EYA1: variants seen among roughly 807,000 people sequenced by gnomAD.
The protein encoded by EYA1 is protein phosphatase EYA1.
EYA1 carries 16 observed loss-of-function variants against 82.0 expected under a neutral mutation model. The observed-to-expected ratio is 0.20, with a 90% CI of 0.13 to 0.30. The LOEUF (loss-of-function observed/expected upper bound fraction) is 0.30, where lower values mean the gene tolerates loss of function less well. Among genes scored for constraint, EYA1 ranks in the 10% least tolerant of loss-of-function variants. EYA1 has a pLI of 1.00. For missense variants in EYA1, 633 were observed against 730.7 expected, an observed-to-expected ratio of 0.87 and a Z score of 1.54; for synonymous variants, 261 against 264.4, an observed-to-expected ratio of 0.99 and a Z score of 0.12.
chr8:71,408,303 A>C (rs545776255), intron 2 of EYA1, among the ~76,000 whole-genome samples: 16 of 152,160 alleles, frequency 1.1e-4, no homozygotes, highest in African/African-American at 3.4e-4. Context: ...ACTAGGAAGA[A>C]ACTGCATCAA....
chr8:71,331,643 C>A (rs908280691), intron 4 of EYA1, among the ~76,000 whole-genome samples: 1 of 151,964 alleles, frequency 6.6e-6, no homozygotes, highest in Non-Finnish European at 1.5e-5. Context: ...CATACAGATG[C>A]CTTTTTAAGA....
chr8:71,518,781 T>C (rs1188006542), intron 2 of EYA1, among the ~76,000 whole-genome samples: 1 of 152,164 alleles, frequency 6.6e-6, no homozygotes, highest in Non-Finnish European at 1.5e-5. Flanking sequence ...GAATGAACAA[T>C]GGCAAGAAAC....
At chr8:71,439,925 C>T (rs1257379504) in intron 2 of EYA1, among the ~76,000 whole-genome samples, 2 of 152,114 alleles carry the variant, frequency 1.3e-5, no homozygotes, top group Non-Finnish European at 2.9e-5. Context: ...AGACTGCGGC[C>T]TGGCATATAT....
intron 9 of EYA1, among the ~76,000 whole-genome samples, chr8:71,290,452 T>C (rs981165623): frequency 2.0e-5 from 3 of 152,194 alleles, no homozygotes; most frequent in Non-Finnish European, 2.9e-5. Context: ...GGAGGGTTAA[T>C]AAACTAATTT....
chr8:71,498,113 G>C (rs2129233560), intron 2 of EYA1, among the ~76,000 whole-genome samples: 1 of 152,230 alleles, frequency 6.6e-6, no homozygotes, highest in African/African-American at 2.4e-5. Flanking sequence ...TAGCTAAAAA[G>C]GATATGTTCA....
At chr8:71,312,818 T>TGCC (rs1821495286) in intron 7 of EYA1, among the ~76,000 whole-genome samples, 2 of 152,240 alleles carry the variant, frequency 1.3e-5, no homozygotes, top group Non-Finnish European at 2.9e-5. Flanking sequence ...CCTTGGCATA[T>TGCC]AAAAAGTAAA....
At chr8:71,283,024 C>T (rs989946351) in intron 9 of EYA1, among the ~76,000 whole-genome samples, 4 of 150,000 alleles carry the variant, frequency 2.7e-5, no homozygotes, top group Non-Finnish European at 5.9e-5. Context: ...TCATGCCATG[C>T]TTCTGCTTAA....
At chr8:71,370,558 T>G (rs1377950003) in intron 2 of EYA1, among the ~76,000 whole-genome samples, 4 of 151,810 alleles carry the variant, frequency 2.6e-5, no homozygotes, top group African/African-American at 9.7e-5. Flanking sequence ...GGGATTTTTT[T>G]AAGGCACAAA....
chr8:71,343,239 C>T (rs1266363547), intron 3 of EYA1, among the ~76,000 whole-genome samples: 1 of 152,114 alleles, frequency 6.6e-6, no homozygotes, highest in East Asian at 1.9e-4. Flanking sequence ...GAAGAAAATT[C>T]AGTTTTTGGA....
chr8:71,341,461 TA>T (rs1288476244), intron 3 of EYA1, among the ~76,000 whole-genome samples: 4 of 152,206 alleles, frequency 2.6e-5, no homozygotes, highest in Admixed American at 1.3e-4. Flanking sequence ...GTGAAGAGAA[TA>T]AAATTGTTGC....
chr8:71,517,722 T>TATAC (rs1563695472), intron 2 of EYA1, among the ~76,000 whole-genome samples: 1 of 148,530 alleles, frequency 6.7e-6, no homozygotes, highest in Admixed American at 6.8e-5. Context: ...TATATATATA[T>TATAC]ATATAACTGT....
intron 11 of EYA1, among the ~76,000 whole-genome samples, chr8:71,249,177 T>C (rs1292058254): frequency 6.6e-6 from 1 of 152,186 alleles, no homozygotes; most frequent in Non-Finnish European, 1.5e-5. Context: ...GTTTACTCTC[T>C]TCTTGACATT....
chr8:71,351,993 T>C (rs555223037), intron 3 of EYA1, among the ~76,000 whole-genome samples: 19 of 152,178 alleles, frequency 1.2e-4, no homozygotes, highest in Non-Finnish European at 2.4e-4. Flanking sequence ...TGATTTTCAA[T>C]TGGGCTGCGG....
intron 2 of EYA1, chr8:71,535,676 A>G (rs1814656951): frequency 8.6e-7 from 1 of 1,157,504 alleles, no homozygotes; most frequent in Admixed American, 2.2e-5. Context: ...CTCGGGTTAC[A>G]ATAAAAATGC....
chr8:71,345,832 A>C (rs1825634208), intron 3 of EYA1, among the ~76,000 whole-genome samples: 1 of 152,108 alleles, frequency 6.6e-6, no homozygotes, highest in Non-Finnish European at 1.5e-5. Context: ...TAAAACACAA[A>C]CCCAATCATA....
At chr8:71,498,329 C>T (rs1342480839) in intron 2 of EYA1, among the ~76,000 whole-genome samples, 2 of 152,244 alleles carry the variant, frequency 1.3e-5, no homozygotes, top group East Asian at 3.9e-4. Context: ...ACAATTTTAT[C>T]TACCAATTTT....
upstream of EYA1, chr8:71,362,165 T>TTC (rs1586550833): frequency 5.1e-6 from 5 of 977,298 alleles, no homozygotes; most frequent in Non-Finnish European, 6.1e-6. Flanking sequence ...CTTTTTTTTT[T>TTC]TTTTTTTTTT....
intron 2 of EYA1, among the ~76,000 whole-genome samples, chr8:71,452,390 A>G (rs183445780): frequency 5.3e-5 from 8 of 152,324 alleles, no homozygotes; most frequent in Non-Finnish European, 1.2e-4. Flanking sequence ...GCAGACTTAA[A>G]TGTCCCTGTC....
chr8:71,356,115 G>A (rs906530772), intron 2 of EYA1, among the ~76,000 whole-genome samples: 1 of 152,130 alleles, frequency 6.6e-6, no homozygotes, highest in African/African-American at 2.4e-5. Context: ...TTTTAAAACA[G>A]CTTAACATGA....
Sources: gnomAD v4.1 joint callset for allele counts (sites outside exome capture counted in the v4.1 genomes callset) on GRCh38, gnomAD v4.1.1 for gene constraint, MANE v1.5 for transcripts, NCBI Gene and HGNC (gene_info 2026-07-23, HGNC 2026-07-21) for gene names.